TBC1D20: variants seen among roughly 807,000 people sequenced by gnomAD.
The protein encoded by TBC1D20 is TBC1 domain family member 20.
TBC1D20 carries 12 observed loss-of-function variants against 41.6 expected under a neutral mutation model. That is an observed-to-expected ratio of 0.29 (90% CI 0.18 to 0.47). The LOEUF is 0.47. TBC1D20 is among the 20% of genes least tolerant of loss of function. The pLI, the probability that TBC1D20 is intolerant of heterozygous loss-of-function variation, is 1.00. For missense variants in TBC1D20, 421 were observed against 517.4 expected (o/e 0.81, Z 1.81); for synonymous variants, 205 against 204.8 (o/e 1.00, Z -0.01).
intron 7 of TBC1D20, 79 bp from the exon 8 acceptor site, chr20:438,920 G>C: frequency 1.3e-6 from 2 of 1,554,900 alleles, no homozygotes; most frequent in Non-Finnish European, 1.7e-6. Flanking sequence ...ATAGGCTGCG[G>C]GCAGAGCCTT....
At chr20:452,603 C>T (rs993723528) in intron 1 of TBC1D20, among the ~76,000 whole-genome samples, 10 of 152,164 alleles carry the variant, frequency 6.6e-5, no homozygotes, top group African/African-American at 1.9e-4. Context: ...GGTGACAGAG[C>T]AATACCCTAT....
chr20:443,073 C>T (rs558157822), intron 3 of TBC1D20, among the ~76,000 whole-genome samples: 1 of 151,936 alleles, frequency 6.6e-6, no homozygotes, highest in East Asian at 1.9e-4. Context: ...GCACTGCAGC[C>T]CGGGCGAGAG....
rs537275302 is a variant in TBC1D20, at chr20:462,516, C to T, written c.-111G>A. 7.1e-6 allele frequency: 4 copies of T among 562,120 alleles called. No homozygotes were observed. Among genetic ancestry groups the T allele is most frequent in the Non-Finnish European group, 7.2e-6 (3 of 417,524 alleles). 34.8% of individuals were successfully genotyped at this position (562,120 alleles called of 1,614,324 possible). ...CGCTCGGCATCGGCAGGCTCCCCTC[C>T]GTCGGCCAGCGGCGCGCAGGCGCGC... On this transcript the variant is annotated 5_prime_UTR_variant, in exon 1 of 8. Transcript: ENST00000354200.
At chr20:445,468 G>A (rs2017314528) in intron 2 of TBC1D20, among the ~76,000 whole-genome samples, 2 of 152,156 alleles carry the variant, frequency 1.3e-5, no homozygotes, top group South Asian at 4.1e-4. Context: ...AAAGTCCACA[G>A]CTACAAAATG....
intron 1 of TBC1D20, among the ~76,000 whole-genome samples, chr20:456,132 G>C (rs1015741032): frequency 6.6e-6 from 1 of 151,846 alleles, no homozygotes; most frequent in African/African-American, 2.4e-5. Context: ...AAATAGGTGG[G>C]CGTGACGGCG....
chr20:455,227 G>C (rs752137419), intron 1 of TBC1D20, among the ~76,000 whole-genome samples: 3 of 152,284 alleles, frequency 2.0e-5, no homozygotes, highest in East Asian at 3.9e-4. Context: ...TTTATACCTA[G>C]AGTCCTGGCA....
In TBC1D20 at chr20:438,523, C is replaced by T. The variant is rs2017160760; in HGVS notation, c.*63G>A. The T allele has an allele frequency of 1.3e-6, 2 of 1,563,768 alleles. No homozygotes were observed. Among genetic ancestry groups the T allele is most frequent in the Non-Finnish European group, 1.7e-6 (2 of 1,145,430 alleles). ...TTTTAATAAAGGAAATTCCACCCCT[C>T]CCAATCCTTCCATGGAAGGGTGAGA... is the stretch of plus-strand genomic sequence containing the variant. On this transcript the variant is annotated 3_prime_UTR_variant, in exon 8 of 8. Coordinates refer to ENST00000354200, the MANE Select transcript of TBC1D20 (RefSeq NM_144628.4).
At chr20:450,423 A>G (rs575606317) in intron 1 of TBC1D20, among the ~76,000 whole-genome samples, 9 of 151,792 alleles carry the variant, frequency 5.9e-5, no homozygotes, top group Non-Finnish European at 1.3e-4. Context: ...TGAGATTACA[A>G]GCGTGAGCCA....
At position 442,856 on chromosome 20, in the gene TBC1D20, G is replaced by C. The variant is rs571243559; in HGVS notation, c.338-813C>G. On this transcript the variant is annotated intron_variant, in intron 3 of 7. Coordinates refer to ENST00000354200, the MANE Select transcript of TBC1D20 (RefSeq NM_144628.4). ...CTCACGCCTGTAATCCCAGCACTTT[G>C]GGAGGCAGAGGCAGGTGGATCACGA... Among the ~76,000 whole-genome samples the C allele has an allele frequency of 1.8e-4, 27 of 152,344 alleles. 1 individual carries two copies. The South Asian group carries it at 3.9e-3, about 22-fold the overall frequency.
chr20:447,095 C>A (rs1241015058), intron 2 of TBC1D20, among the ~76,000 whole-genome samples: 1 of 150,738 alleles, frequency 6.6e-6, no homozygotes, highest in East Asian at 2.0e-4. Flanking sequence ...ATTACAGGCA[C>A]CTGCCACCAT....
At chr20:452,530 T>A (rs568787340) in intron 1 of TBC1D20, among the ~76,000 whole-genome samples, 1 of 151,932 alleles carries the variant, frequency 6.6e-6, no homozygotes, top group Non-Finnish European at 1.5e-5. Context: ...GGCGAGAGGA[T>A]CACTTGAGCC....
chr20:442,666 T>A (rs1436640490), intron 3 of TBC1D20, among the ~76,000 whole-genome samples: 2 of 152,242 alleles, frequency 1.3e-5, no homozygotes, highest in Non-Finnish European at 2.9e-5. Flanking sequence ...TGTGATTACA[T>A]GAGAGCCTTA....
At position 448,123 on chromosome 20, in the gene TBC1D20, A is replaced by C. The variant is rs6139203; in HGVS notation, c.71-49T>G. On this transcript the variant is annotated intron_variant, in intron 1 of 7. Transcript: ENST00000354200. ...TTAGGCGCACATTCAGCACGTGCATATTTTCTGCCTAGGACTCAAGCTCCT... is the reference window on the plus strand; with the variant it reads ...TTAGGCGCACATTCAGCACGTGCATCTTTTCTGCCTAGGACTCAAGCTCCT... 608,738 of 1,396,458 alleles carry C rather than the reference A, an allele frequency of 0.44. 135,663 individuals are homozygous for C. The highest frequency in any genetic ancestry group is 0.57 in the African/African-American group (40,297 of 70,498). 86.5% of individuals were successfully genotyped at this position (1,396,458 alleles called of 1,614,324 possible). A position where few individuals can be genotyped will look rare whatever the true frequency, so the allele number is the denominator to read the frequency against.
chr20:443,864 C>T (rs1014949861), intron 3 of TBC1D20, among the ~76,000 whole-genome samples: 1 of 152,176 alleles, frequency 6.6e-6, no homozygotes, highest in African/African-American at 2.4e-5. Context: ...TGGCTCTTGC[C>T]TGTAATCCCA....
At chr20:454,798 G>C (rs6052112) in intron 1 of TBC1D20, among the ~76,000 whole-genome samples, 76,016 of 151,750 alleles carry the variant, frequency 0.5, 19,437 homozygotes, top group African/African-American at 0.55. Context: ...CAGCCTCCCA[G>C]GTAGCCAGGA....
chr20:456,908 G>T (rs2017549767), intron 1 of TBC1D20, among the ~76,000 whole-genome samples: 1 of 149,078 alleles, frequency 6.7e-6, no homozygotes, highest in African/African-American at 2.5e-5. Flanking sequence ...GCTTCACCAA[G>T]AATATATTCT....
chr20:457,770 G>A (rs1438259361), intron 1 of TBC1D20, among the ~76,000 whole-genome samples: 1 of 152,226 alleles, frequency 6.6e-6, no homozygotes. Context: ...TCAGGAGGAA[G>A]ACAGGGAGGG....
At chr20:442,810 A>T (rs2017263194) in intron 3 of TBC1D20, among the ~76,000 whole-genome samples, 1 of 152,178 alleles carries the variant, frequency 6.6e-6, no homozygotes. Context: ...TAAAAAAGCA[A>T]ATGTAGGCCA....
At chr20:451,890 A>C (rs1303594942) in intron 1 of TBC1D20, among the ~76,000 whole-genome samples, 1 of 152,244 alleles carries the variant, frequency 6.6e-6, no homozygotes, top group Non-Finnish European at 1.5e-5. Flanking sequence ...TGATTAGGAC[A>C]ATCAGCATAA....
Sources: gnomAD v4.1 joint callset for allele counts (sites outside exome capture counted in the v4.1 genomes callset) on GRCh38, gnomAD v4.1.1 for gene constraint, MANE v1.5 for transcripts, NCBI Gene and HGNC (gene_info 2026-07-23, HGNC 2026-07-21) for gene names.